TSEN2: variants seen among roughly 807,000 people sequenced by gnomAD.
TSEN2 encodes the protein tRNA-splicing endonuclease subunit Sen2.
Under a neutral mutation model 59.2 loss-of-function variants are expected in TSEN2, and 54 were observed. The observed-to-expected ratio is 0.91, with a 90% confidence interval of 0.73 to 1.14. The LOEUF (loss-of-function observed/expected upper bound fraction) is 1.14, where lower values mean the gene tolerates loss of function less well. Among genes scored for constraint, TSEN2 ranks in the 50% most tolerant of loss-of-function variants. The probability of loss-of-function intolerance (pLI) is 0.00; values close to 1 mark genes in which losing one functional copy is unlikely to be tolerated. For synonymous variants in TSEN2, 195 were observed against 198.2 expected, an observed-to-expected ratio of 0.98 and a Z score of 0.14; for missense variants, 636 against 576.2, an observed-to-expected ratio of 1.10 and a Z score of -1.06.
intron 8 of TSEN2, among the ~76,000 whole-genome samples, chr3:12,519,670 C>T (rs149934290): frequency 0.017 from 2,541 of 152,086 alleles, 46 homozygotes; most frequent in South Asian, 0.059. Context: ...GGCGTGAACC[C>T]GGGAGGCAGA....
At chr3:12,495,568 A>T (rs1194505122) in intron 3 of TSEN2, among the ~76,000 whole-genome samples, 5 of 152,166 alleles carry the variant, frequency 3.3e-5, no homozygotes, top group Admixed American at 6.5e-5. Flanking sequence ...TGTTCAACCT[A>T]ATCGGATAGA....
intron 11 of TSEN2, 49 bp downstream of exon 11, chr3:12,531,708 A>G (rs1181918763): frequency 2.4e-6 from 3 of 1,247,096 alleles, no homozygotes; most frequent in Non-Finnish European, 3.5e-6. Flanking sequence ...TCTGTGAATC[A>G]TAGTGTATCT....
intron 6 of TSEN2, among the ~76,000 whole-genome samples, chr3:12,513,608 T>C (rs2055732133): frequency 6.6e-6 from 1 of 152,210 alleles, no homozygotes; most frequent in Non-Finnish European, 1.5e-5. Flanking sequence ...CAATTTGAGC[T>C]CAGGTCTGTC....
chr3:12,500,298 T>C (rs564663998), intron 4 of TSEN2, among the ~76,000 whole-genome samples: 5 of 152,250 alleles, frequency 3.3e-5, no homozygotes, highest in Non-Finnish European at 2.9e-5. Context: ...TAGTCATTTG[T>C]TTGTGTGGCT....
chr3:12,486,362 G>C (rs374686140), intron 1 of TSEN2, among the ~76,000 whole-genome samples: 5 of 152,322 alleles, frequency 3.3e-5, no homozygotes, highest in African/African-American at 1.2e-4. Flanking sequence ...CAGCACAGGA[G>C]GACTCTTCCA....
At chr3:12,516,455 T>A (rs1438264450) in intron 6 of TSEN2, among the ~76,000 whole-genome samples, 156 bp from the exon 7 acceptor site, 1 of 117,614 alleles carries the variant, frequency 8.5e-6, no homozygotes, top group African/African-American at 3.5e-5. Context: ...TATGTGTGTG[T>A]GTGTGTGTGT....
upstream of TSEN2, among the ~76,000 whole-genome samples, chr3:12,483,269 G>A (rs2052272397): frequency 6.6e-6 from 1 of 152,182 alleles, no homozygotes; most frequent in African/African-American, 2.4e-5. Flanking sequence ...CGAGCTACTC[G>A]GGAGGCTGAG....
rs1433963926 is a variant in TSEN2 at position 12,490,355 on chromosome 3, C to T, written c.189+366C>T. Among the ~76,000 whole-genome samples, 5 of 152,154 alleles carry T rather than the reference C, an allele frequency of 3.3e-5. No individual in the cohort carries two copies. The South Asian group carries it at 1.0e-3, about 31-fold the overall frequency. The stretch of plus-strand genomic sequence containing the variant: ...AAAAGTGAAAATTCCCCACTCACTC[C>T]CATCCCGTTCCCAGAGGTAGCCACA... On this transcript the variant is annotated intron_variant, in intron 2 of 11. Transcript: ENST00000284995.
chr3:12,503,084 A>G (rs142407611), intron 4 of TSEN2, among the ~76,000 whole-genome samples, 178 bp from the exon 5 acceptor site: 3 of 151,596 alleles, frequency 2.0e-5, no homozygotes, highest in African/African-American at 4.9e-5. Flanking sequence ...AAATAAAAAA[A>G]GAAAGAAAAG....
At chr3:12,528,352 G>T (rs1342729037) in intron 8 of TSEN2, among the ~76,000 whole-genome samples, 3 of 152,196 alleles carry the variant, frequency 2.0e-5, no homozygotes, top group African/African-American at 7.2e-5. Flanking sequence ...GTGAAACGAG[G>T]TGTTAGGGTC....
At chr3:12,520,609 G>C (rs2056559966) in intron 8 of TSEN2, among the ~76,000 whole-genome samples, 2 of 152,244 alleles carry the variant, frequency 1.3e-5, no homozygotes, top group Admixed American at 6.5e-5. Flanking sequence ...GACCAACATG[G>C]TGAAACCCCG....
intron 1 of TSEN2, among the ~76,000 whole-genome samples, chr3:12,487,221 C>A (rs77058937): frequency 6.6e-6 from 1 of 152,128 alleles, no homozygotes; most frequent in Non-Finnish European, 1.5e-5. Flanking sequence ...AGGCCTACTG[C>A]GAGCCAAATT....
chr3:12,531,709 T>C (rs369600865), intron 11 of TSEN2, 50 bp downstream of exon 11: 49 of 1,242,786 alleles, frequency 3.9e-5, no homozygotes, highest in Non-Finnish European at 5.2e-5. Flanking sequence ...CTGTGAATCA[T>C]AGTGTATCTG....
chr3:12,516,387 C>T (rs533923312), intron 6 of TSEN2, among the ~76,000 whole-genome samples: 12 of 151,964 alleles, frequency 7.9e-5, no homozygotes, highest in East Asian at 1.9e-4. Context: ...GATGTGCCAC[C>T]GCACTCCAGC....
chr3:12,488,794 T>C lies in TSEN2; in HGVS notation c.-17-990T>C, dbSNP rs2052909555. Among the ~76,000 whole-genome samples the C allele has an allele frequency of 2.6e-5, 4 of 152,266 alleles. No individual in the cohort carries two copies. The South Asian group carries it at 8.3e-4, about 32-fold the overall frequency. On this transcript the variant is annotated intron_variant, in intron 1 of 11. Coordinates refer to ENST00000284995, the MANE Select transcript of TSEN2 (RefSeq NM_025265.4). ...TTGAGAAAGAGTCATCAGACAAAAG[T>C]AGATAGACCCTGCCTGTGCTTTCAG... is the stretch of plus-strand genomic sequence containing the variant.
At chr3:12,531,713 G>C in intron 11 of TSEN2, 54 bp downstream of exon 11, 1 of 1,217,014 alleles carries the variant, frequency 8.2e-7, no homozygotes, top group South Asian at 1.2e-5. Flanking sequence ...GAATCATAGT[G>C]TATCTGGAAC....
chr3:12,527,142 G>C (rs1217212082), intron 8 of TSEN2, among the ~76,000 whole-genome samples: 1 of 152,190 alleles, frequency 6.6e-6, no homozygotes, highest in East Asian at 1.9e-4. Flanking sequence ...TGTATGTTTG[G>C]ATATTTACTT....
chr3:12,498,136 A>G (rs1244155877), intron 4 of TSEN2, among the ~76,000 whole-genome samples: 1 of 151,872 alleles, frequency 6.6e-6, no homozygotes, highest in Admixed American at 6.6e-5. Context: ...GTATGGGTAC[A>G]TGTGATATTT....
At chr3:12,527,476 C>T (rs1396095517) in intron 8 of TSEN2, among the ~76,000 whole-genome samples, 1 of 132,668 alleles carries the variant, frequency 7.5e-6, no homozygotes, top group South Asian at 2.5e-4. Flanking sequence ...TTTTTTGAGA[C>T]GGAGTCTCGC....
Sources: gnomAD v4.1 joint callset for allele counts (sites outside exome capture counted in the v4.1 genomes callset) on GRCh38, gnomAD v4.1.1 for gene constraint, MANE v1.5 for transcripts, NCBI Gene and HGNC (gene_info 2026-07-23, HGNC 2026-07-21) for gene names.